The following ITGB8 variants were observed in gnomAD, a reference collection of about 807,000 sequenced individuals.
ITGB8 encodes the protein integrin subunit beta 8, also known as integrin beta-8.
Under a neutral mutation model 89.5 loss-of-function variants are expected in ITGB8, and 30 were observed. That is an observed-to-expected ratio of 0.34 (90% CI 0.25 to 0.45). ITGB8 has a LOEUF of 0.45. Among genes scored for constraint, ITGB8 ranks in the 20% least tolerant of loss-of-function variants. The pLI is 1.00. For missense variants in ITGB8, 836 were observed against 933.3 expected, an observed-to-expected ratio of 0.90 and a Z score of 1.36; for synonymous variants, 335 against 320.4, an observed-to-expected ratio of 1.05 and a Z score of -0.49.
chr7:20,382,859 T>C (rs998900709), intron 6 of ITGB8, among the ~76,000 whole-genome samples: 1 of 152,218 alleles, frequency 6.6e-6, no homozygotes, highest in Non-Finnish European at 1.5e-5. Flanking sequence ...GATTTCTTCT[T>C]CCGTGTTGAT....
intron 8 of ITGB8, among the ~76,000 whole-genome samples, chr7:20,396,054 C>A (rs1006469075): frequency 6.6e-6 from 1 of 152,170 alleles, no homozygotes; most frequent in South Asian, 2.1e-4. Context: ...TGTGGAAAAA[C>A]CTCTCGTTTC....
rs569567100 is a variant in ITGB8, at chr7:20,389,813, A to G, written c.961-1590A>G. The stretch of plus-strand genomic sequence containing the variant: ...CATTAGGAACAAGTAATAAGAATTT[A>G]GCTGGCAGAATTTGTGTTTTTGGAG... On this transcript the variant is annotated intron_variant, in intron 6 of 13. Transcript: ENST00000222573. 2.7e-5 allele frequency among the ~76,000 whole-genome samples: 4 copies of G among 146,844 alleles called. No individual in the cohort carries two copies. The South Asian group carries it at 6.7e-4, about 25-fold the overall frequency.
chr7:20,350,108 A>T (rs1415145918), intron 1 of ITGB8, among the ~76,000 whole-genome samples: 1 of 152,072 alleles, frequency 6.6e-6, no homozygotes, highest in Non-Finnish European at 1.5e-5. Context: ...CCCTTTTTTA[A>T]AAAACAAAAA....
At chr7:20,375,340 G>C (rs1482094274) in intron 3 of ITGB8, among the ~76,000 whole-genome samples, 5 of 150,288 alleles carry the variant, frequency 3.3e-5, no homozygotes, top group African/African-American at 1.2e-4. Context: ...AAATTGGTGA[G>C]ATAATGTGAT....
At chr7:20,350,982 C>T (rs1785095208) in intron 1 of ITGB8, among the ~76,000 whole-genome samples, 1 of 152,158 alleles carries the variant, frequency 6.6e-6, no homozygotes, top group Non-Finnish European at 1.5e-5. Flanking sequence ...AACTCAGTTT[C>T]CCTGTGCATA....
intron 1 of ITGB8, among the ~76,000 whole-genome samples, chr7:20,342,649 T>C (rs555040978): frequency 6.6e-6 from 1 of 152,022 alleles, no homozygotes; most frequent in Non-Finnish European, 1.5e-5. Flanking sequence ...TCTATACCCA[T>C]GGCACATTTG....
chr7:20,388,668 G>A (rs1786728279), intron 6 of ITGB8, among the ~76,000 whole-genome samples: 2 of 151,640 alleles, frequency 1.3e-5, no homozygotes, highest in South Asian at 2.1e-4. Context: ...TTAAGTTCTG[G>A]GATACATATG....
intron 6 of ITGB8, among the ~76,000 whole-genome samples, chr7:20,385,061 T>G (rs1212404695): frequency 2.0e-5 from 3 of 152,236 alleles, no homozygotes; most frequent in Non-Finnish European, 2.9e-5. Flanking sequence ...CTATTAATAC[T>G]GAGGGTTTGG....
At chr7:20,363,784 T>G in intron 2 of ITGB8, 62 bp downstream of exon 2, 1 of 961,158 alleles carries the variant, frequency 1.0e-6, no homozygotes, top group Admixed American at 3.0e-5. Flanking sequence ...GACTTCATTT[T>G]CCTAATATTC....
At chr7:20,330,701 C>T (rs1268924208), upstream of ITGB8, 1 of 152,274 alleles carries the variant, frequency 6.6e-6, no homozygotes, top group African/African-American at 2.4e-5. Context: ...TACTGCTGCT[C>T]CTGCCCGGGC....
chr7:20,409,290 A>T (rs1363289620), intron 12 of ITGB8, among the ~76,000 whole-genome samples: 3 of 152,232 alleles, frequency 2.0e-5, no homozygotes, highest in Non-Finnish European at 4.4e-5. Flanking sequence ...CTTGGATCAA[A>T]TTATGCTTGG....
chr7:20,397,640 C>T (rs182277731), intron 8 of ITGB8, among the ~76,000 whole-genome samples: 1 of 152,222 alleles, frequency 6.6e-6, no homozygotes, highest in Non-Finnish European at 1.5e-5. Context: ...TTGTATACCA[C>T]TGGAAGTTTA....
intron 1 of ITGB8, among the ~76,000 whole-genome samples, chr7:20,346,045 T>C (rs1784911454): frequency 1.3e-5 from 2 of 152,042 alleles, no homozygotes; most frequent in Non-Finnish European, 2.9e-5. Context: ...CAATTCAGGA[T>C]GGTGGGTGAC....
chr7:20,407,033 G>A (rs1374549173), intron 12 of ITGB8, among the ~76,000 whole-genome samples: 1 of 152,146 alleles, frequency 6.6e-6, no homozygotes, highest in African/African-American at 2.4e-5. Context: ...TTCAGAACTA[G>A]AAGCAAGTTT....
At chr7:20,360,689 G>C (rs1009035716) in intron 1 of ITGB8, among the ~76,000 whole-genome samples, 8 of 151,698 alleles carry the variant, frequency 5.3e-5, no homozygotes, top group Non-Finnish European at 1.2e-4. Flanking sequence ...TTACGGCTGA[G>C]TGGTATTCCA....
At chr7:20,405,771 G>T (rs1379595114) in intron 11 of ITGB8, among the ~76,000 whole-genome samples, 1 of 152,154 alleles carries the variant, frequency 6.6e-6, no homozygotes, top group African/African-American at 2.4e-5. Flanking sequence ...TCTGCACAAA[G>T]ACTTCTAATC....
chr7:20,358,117 C>A (rs1785362331), intron 1 of ITGB8, among the ~76,000 whole-genome samples: 1 of 152,154 alleles, frequency 6.6e-6, no homozygotes, highest in South Asian at 2.1e-4. Context: ...AGGTGTGTGC[C>A]ACCACACCCA....
In ITGB8 at chr7:20,380,686, T is replaced by C; in HGVS notation, c.656T>C (p.Met219Thr). The C allele has an allele frequency of 6.2e-7, 1 of 1,613,570 alleles. No individual in the cohort carries two copies. Residue 219 changes from methionine to threonine, a missense_variant, in exon 5 of 14, where the codon ATG (methionine) becomes ACG (threonine). By Grantham distance (81) the Met-to-Thr change is moderately conservative. Coordinates refer to ENST00000222573, the MANE Select transcript of ITGB8 (RefSeq NM_002214.3). Reference sequence around the variant, plus strand: ...CACAGTGACTACAATTTAGACTGCATGCCTCCCCATGGATACATCCATGTG... The same window carrying C: ...CACAGTGACTACAATTTAGACTGCACGCCTCCCCATGGATACATCCATGTG... The part of the protein sequence containing the change: ...NQCSDYNLDC[M>T]PPHGYIHVLS...
intron 2 of ITGB8, 57 bp from the exon 3 acceptor site, chr7:20,366,955 C>A: frequency 2.5e-6 from 3 of 1,196,626 alleles, no homozygotes; most frequent in East Asian, 2.5e-5. Context: ...ATGTCATTTT[C>A]TTTGGATGTA....
Sources: allele counts gnomAD v4.1 joint callset (sites outside exome capture counted in the v4.1 genomes callset), GRCh38; gene constraint gnomAD v4.1.1; transcripts MANE v1.5; gene names NCBI Gene and HGNC (gene_info 2026-07-23, HGNC 2026-07-21).